The following PARD3B variants were observed in gnomAD, a reference collection of about 807,000 sequenced individuals.
PARD3B encodes partitioning defective 3 homolog B.
In PARD3B, 103 loss-of-function variants were observed where a neutral mutation model predicts 130.2. That is an observed-to-expected ratio of 0.79 (90% CI 0.67 to 0.93). The LOEUF is 0.93. PARD3B is among the 40% of genes least tolerant of loss of function. The pLI is 0.00. For missense variants in PARD3B, 1,609 were observed against 1,499.2 expected (o/e 1.07, Z -1.21); for synonymous variants, 583 against 553.2 (o/e 1.05, Z -0.76).
In PARD3B at chr2:205,489,510, C is replaced by CGTATATATACACATATATATAA. The variant is rs1491113607; in HGVS notation, c.3045-10377_3045-10376insCACATATATATAAGTATATATA. Among the ~76,000 whole-genome samples, 115 of 130,236 alleles carry CGTATATATACACATATATATAA rather than the reference C, an allele frequency of 8.8e-4. 1 individual carries two copies. The highest frequency in any genetic ancestry group is 3.8e-3 in the Middle Eastern group (1 of 260). 85.4% of individuals were successfully genotyped at this position (130,236 alleles called of 152,430 possible). A position where few individuals can be genotyped will look rare whatever the true frequency, so the allele number is the denominator to read the frequency against. Reference sequence around the variant, plus strand: ...ATATATATGTGTGTATATATATATACGTATATATATATACACACATATATA... The same window carrying CGTATATATACACATATATATAA: ...ATATATATGTGTGTATATATATATACGTATATATACACATATATATAAGTATATATATATACACACATATATA... On this transcript the variant is annotated intron_variant, in intron 20 of 22. Coordinates refer to ENST00000406610, the MANE Select transcript of PARD3B (RefSeq NM_001302769.2).
At position 205,281,979 on chromosome 2, in the gene PARD3B, T is replaced by C. The variant is rs2041207707; in HGVS notation, c.2186-18551T>C. Among the ~76,000 whole-genome samples the C allele has an allele frequency of 6.6e-6, 1 of 152,226 alleles. No homozygotes were observed. Among genetic ancestry groups the C allele is most frequent in the East Asian group, 1.9e-4 (1 of 5,198 alleles). On this transcript the variant is annotated intron_variant, in intron 16 of 22. Coordinates refer to ENST00000406610, the MANE Select transcript of PARD3B (RefSeq NM_001302769.2). This position sits in a 1 kb window ranked among gnomAD's most constrained non-coding sequence, Gnocchi z 4.2. ...GTTCACTTTGTTGAAAATTTCCCAT[T>C]CGTTTTCTAATTATCAAAAATGTTT... is the stretch of plus-strand genomic sequence containing the variant.
intron 3 of PARD3B, among the ~76,000 whole-genome samples, chr2:204,985,827 G>T (rs1004539234): frequency 2.6e-5 from 4 of 152,140 alleles, no homozygotes; most frequent in South Asian, 2.1e-4. Context: ...TTAGCTAGGC[G>T]TGGTGGCTCA....
At chr2:204,765,078 A>G (rs975984126) in intron 2 of PARD3B, among the ~76,000 whole-genome samples, 4 of 152,124 alleles carry the variant, frequency 2.6e-5, no homozygotes, top group Non-Finnish European at 5.9e-5. Flanking sequence ...AATAAGCAAG[A>G]TGGGATTTGG....
At chr2:205,242,292 A>G (rs2039386042) in intron 15 of PARD3B, among the ~76,000 whole-genome samples, 2 of 152,226 alleles carry the variant, frequency 1.3e-5, no homozygotes, top group Non-Finnish European at 2.9e-5. Flanking sequence ...AAATAATGAT[A>G]AGTATAAGAA....
At position 204,937,491 on chromosome 2, in the gene PARD3B, G is replaced by A. The variant is rs1047617554; in HGVS notation, c.223-27661G>A. Among the ~76,000 whole-genome samples the A allele has an allele frequency of 2.0e-5, 3 of 152,160 alleles. No individual in the cohort carries two copies. In the East Asian group the frequency reaches 5.8e-4, roughly 29 times the overall value. ...TGTGTGACATTATGTTGTGTGTTGC[G>A]GTACTCCAGGATCGAGTAGCTTCAT... On this transcript the variant is annotated intron_variant, in intron 2 of 22. Transcript: ENST00000406610.
At position 205,119,049 on chromosome 2, in the gene PARD3B, A is replaced by C. The variant is rs1483542807; in HGVS notation, c.806+3A>C. The C allele has an allele frequency of 6.3e-7, 1 of 1,596,674 alleles. No individual in the cohort carries two copies. The highest frequency in any genetic ancestry group is 1.1e-5 in the South Asian group (1 of 87,590). ...CTCGTAGACAAAACCTTTGCTCAGTAAGCATTTTTTCATTGTTTTATTTAC... is the reference window on the plus strand; with the variant it reads ...CTCGTAGACAAAACCTTTGCTCAGTCAGCATTTTTTCATTGTTTTATTTAC... On this transcript the variant is annotated splice_donor_region_variant and intron_variant, in intron 7 of 22. Coordinates refer to ENST00000406610, the MANE Select transcript of PARD3B (RefSeq NM_001302769.2).
In PARD3B at chr2:205,485,150, C is replaced by T. The variant is rs2049389773; in HGVS notation, c.3045-14746C>T. 2.0e-5 allele frequency among the ~76,000 whole-genome samples: 3 copies of T among 152,192 alleles called. No homozygotes were observed. The South Asian group carries it at 6.2e-4, about 31-fold the overall frequency. ...CCAGTGGGAAAAGTCTTTGTCAACC[C>T]ATAATGGGTCTAGTTTCATTTGTTT... On this transcript the variant is annotated intron_variant, in intron 20 of 22. Coordinates refer to ENST00000406610, the MANE Select transcript of PARD3B (RefSeq NM_001302769.2).
At chr2:204,803,144 GAAAAAAAAA>G (rs67190837) in intron 2 of PARD3B, among the ~76,000 whole-genome samples, 3 of 120,136 alleles carry the variant, frequency 2.5e-5, no homozygotes, top group African/African-American at 6.3e-5. Context: ...AGTGCTGAAG[GAAAAAAAAA>G]AAAAAAAAAA....
chr2:204,699,891 G>A (rs2037810020), intron 2 of PARD3B, among the ~76,000 whole-genome samples: 2 of 152,064 alleles, frequency 1.3e-5, no homozygotes, highest in Non-Finnish European at 1.5e-5. Flanking sequence ...TATATATAAT[G>A]CATCAAAATA....
rs940560086 is a variant in PARD3B at position 205,301,411 on chromosome 2, A to G, written c.2393-53A>G. The G allele has an allele frequency of 1.3e-6, 2 of 1,566,818 alleles. No homozygotes were observed. The highest frequency in any genetic ancestry group is 1.7e-6 in the Non-Finnish European group (2 of 1,163,030). The stretch of plus-strand genomic sequence containing the variant: ...TTTACATGTTAGCGTTTCTCTGTAT[A>G]CTAACTGAGTGTGCCCCTGACCATG... On this transcript the variant is annotated intron_variant, in intron 17 of 22. Coordinates refer to ENST00000406610, the MANE Select transcript of PARD3B (RefSeq NM_001302769.2). The surrounding 1 kb of genome is among the most constrained non-coding windows in gnomAD (Gnocchi z 5.2).
chr2:205,257,780 GAA>G lies in PARD3B; in HGVS notation c.2185+11961_2185+11962del, dbSNP rs1304539679. On this transcript the variant is annotated intron_variant, in intron 16 of 22. Coordinates refer to ENST00000406610, the MANE Select transcript of PARD3B (RefSeq NM_001302769.2). ...ATGGTAACACTAATTGTTGAGGTTT[GAA>G]AAGCACTGATTAATTCTGTAAGCTT... is the stretch of plus-strand genomic sequence containing the variant. Among the ~76,000 whole-genome samples, 11 of 152,256 alleles carry G rather than the reference GAA, an allele frequency of 7.2e-5. No individual in the cohort carries two copies. The East Asian group carries it at 2.1e-3, about 29-fold the overall frequency.
intron 3 of PARD3B, among the ~76,000 whole-genome samples, chr2:205,043,619 T>A (rs927748402): frequency 2.6e-5 from 4 of 152,102 alleles, no homozygotes; most frequent in Admixed American, 6.6e-5. Flanking sequence ...CTTTACTCCC[T>A]AACACTGGAA....
At chr2:205,537,719 C>T (rs745422996) in intron 21 of PARD3B, among the ~76,000 whole-genome samples, 1 of 152,196 alleles carries the variant, frequency 6.6e-6, no homozygotes. Context: ...CTGTCATTCT[C>T]TCCTCATCCA....
At chr2:205,182,430 G>A (rs1178738671) in intron 13 of PARD3B, among the ~76,000 whole-genome samples, 6 of 151,290 alleles carry the variant, frequency 4.0e-5, no homozygotes, top group Non-Finnish European at 8.8e-5. Context: ...CATAAAGAAC[G>A]ATAAATGGTT....
At chr2:204,995,158 G>T (rs1369834939) in intron 3 of PARD3B, among the ~76,000 whole-genome samples, 2 of 152,132 alleles carry the variant, frequency 1.3e-5, no homozygotes, top group African/African-American at 4.8e-5. Flanking sequence ...ATTAGTTGAT[G>T]CAGTTTCTTC....
intron 1 of PARD3B, among the ~76,000 whole-genome samples, chr2:204,573,775 GT>G (rs2032120971): frequency 6.6e-6 from 1 of 152,132 alleles, no homozygotes; most frequent in Non-Finnish European, 1.5e-5. Flanking sequence ...AGCAAAGACT[GT>G]TTTCTTTTGT....
At chr2:204,901,284 A>G (rs941078850) in intron 2 of PARD3B, among the ~76,000 whole-genome samples, 2 of 151,970 alleles carry the variant, frequency 1.3e-5, no homozygotes, top group African/African-American at 4.8e-5. Context: ...GCTCTATTCT[A>G]TGGCAGCTGC....
chr2:204,559,295 T>A (rs2031146039), intron 1 of PARD3B, among the ~76,000 whole-genome samples: 1 of 152,224 alleles, frequency 6.6e-6, no homozygotes, highest in African/African-American at 2.4e-5. Flanking sequence ...TCTACCCATC[T>A]GACAAAGGGC....
rs144611777 is a variant in PARD3B at position 205,486,625 on chromosome 2, G to A, written c.3045-13271G>A. Among the ~76,000 whole-genome samples, 32 of 152,218 alleles carry A rather than the reference G, an allele frequency of 2.1e-4. 1 individual carries two copies. The highest frequency in any genetic ancestry group is 7.0e-4 in the African/African-American group (29 of 41,512). Reference sequence around the variant, plus strand: ...AAGGGGAAGCAGGCACATCTTATGCGTCTGGAGCAGGAGGAAGAGAGTGGG... The same window carrying A: ...AAGGGGAAGCAGGCACATCTTATGCATCTGGAGCAGGAGGAAGAGAGTGGG... On this transcript the variant is annotated intron_variant, in intron 20 of 22. Transcript: ENST00000406610.
Sources: gnomAD v4.1 joint callset for allele counts (sites outside exome capture counted in the v4.1 genomes callset) on GRCh38, gnomAD v4.1.1 for gene constraint, Gnocchi (gnomAD v3.1) non-coding constraint, MANE v1.5 for transcripts, NCBI Gene and HGNC (gene_info 2026-07-23, HGNC 2026-07-21) for gene names.